Variants in EP300 observed in about 807,000 individuals in gnomAD.
The protein encoded by EP300 is EP300 lysine acetyltransferase, also known as histone acetyltransferase p300.
EP300 carries 31 observed loss-of-function variants against 264.0 expected under a neutral mutation model. The ratio of observed to expected loss-of-function variants is 0.12; its 90% CI spans 0.09 to 0.16. The LOEUF (loss-of-function observed/expected upper bound fraction) is 0.16, where lower values mean the gene tolerates loss of function less well. EP300 is among the 10% of genes least tolerant of loss of function. The probability of loss-of-function intolerance (pLI) is 1.00; values close to 1 mark genes in which losing one functional copy is unlikely to be tolerated. For missense variants in EP300, 2,766 were observed against 3,052.9 expected, an observed-to-expected ratio of 0.91 and a Z score of 2.21; for synonymous variants, 1,340 against 1,045.4, an observed-to-expected ratio of 1.28 and a Z score of -5.44.
chr22:41,127,996 T>G (rs534444047), intron 4 of EP300, among the ~76,000 whole-genome samples: 36 of 152,240 alleles, frequency 2.4e-4, no homozygotes, highest in African/African-American at 8.4e-4. Flanking sequence ...GAGACCAGCC[T>G]GGACAACATA....
rs1207075674 is a variant in EP300, at chr22:41,179,125, AC to A, written c.*171del. 22 of 697,638 alleles carry A rather than the reference AC, an allele frequency of 3.2e-5. No homozygotes were observed. The highest frequency in any genetic ancestry group is 5.2e-5 in the Non-Finnish European group (22 of 422,278). 43.2% of individuals were successfully genotyped at this position (697,638 alleles called of 1,614,324 possible). ...GGTTTAAAGCAAACATGCAAGATGA[AC>A]CTGAGGGATGATAGAATACAAAGAA... is the stretch of plus-strand genomic sequence containing the variant. On this transcript the variant is annotated 3_prime_UTR_variant, in exon 31 of 31. Coordinates refer to ENST00000263253, the MANE Select transcript of EP300 (RefSeq NM_001429.4).
At chr22:41,105,560 G>A (rs1482840240) in intron 1 of EP300, among the ~76,000 whole-genome samples, 4 of 151,558 alleles carry the variant, frequency 2.6e-5, no homozygotes, top group Admixed American at 1.3e-4. Context: ...CACCACAGCC[G>A]GCTAATTTTT....
intron 21 of EP300, 62 bp downstream of exon 21, chr22:41,162,841 T>G: frequency 7.0e-7 from 1 of 1,420,850 alleles, no homozygotes; most frequent in Non-Finnish European, 1.0e-6. Context: ...TTTCATTCTC[T>G]TGAAGTTTGC....
At chr22:41,093,195 G>A in intron 1 of EP300, 97 bp downstream of exon 1, 1 of 1,194,744 alleles carries the variant, frequency 8.4e-7, no homozygotes, top group East Asian at 2.4e-5. Context: ...TCTCTCTCTA[G>A]TTCCCTGCCC....
intron 23 of EP300, among the ~76,000 whole-genome samples, chr22:41,167,257 A>G (rs769771418): frequency 2.3e-4 from 35 of 152,268 alleles, no homozygotes; most frequent in Non-Finnish European, 4.1e-4. Context: ...TTGGCCTCCC[A>G]AAGTACTGGG....
At chr22:41,164,796 G>GGGTC (rs1363215036) in intron 22 of EP300, among the ~76,000 whole-genome samples, 1 of 152,178 alleles carries the variant, frequency 6.6e-6, no homozygotes, top group African/African-American at 2.4e-5. Flanking sequence ...GCCCTGGTAA[G>GGGTC]GGTCACCATT....
At chr22:41,098,496 C>T (rs921080797) in intron 1 of EP300, among the ~76,000 whole-genome samples, 4 of 152,098 alleles carry the variant, frequency 2.6e-5, no homozygotes, top group African/African-American at 9.6e-5. Flanking sequence ...CTCAGCCTCC[C>T]GAGTAGCTGG....
chr22:41,172,558 C>T lies in EP300; in HGVS notation c.4512C>T (p.Phe1504=), dbSNP rs773749974. ...RLTSAKELPY[F]EGDFWPNVLE... ...CAAGTGCAAAGGAATTGCCTTATTT[C>T]GAGGGTGATTTCTGGCCCAATGTTC... The change falls in exon 28 of 31, where the codon TTC becomes TTT. Residue 1504 remains phenylalanine, a synonymous_variant. Transcript: ENST00000263253. 1.5e-5 allele frequency: 25 copies of T among 1,613,784 alleles called. No individual in the cohort carries two copies. The highest frequency in any genetic ancestry group is 8.9e-5 in the East Asian group (4 of 44,876).
At chr22:41,145,014 C>T (rs79243296) in intron 10 of EP300, among the ~76,000 whole-genome samples, 2,363 of 152,216 alleles carry the variant, frequency 0.016, 46 homozygotes, top group African/African-American at 0.049. Flanking sequence ...CACTTCAGTC[C>T]TCACCATTCT....
chr22:41,175,784 G>A (rs1052997931), intron 29 of EP300, among the ~76,000 whole-genome samples: 2 of 152,204 alleles, frequency 1.3e-5, no homozygotes, highest in African/African-American at 4.8e-5. Flanking sequence ...TTACTCTGAA[G>A]GAGTTACTGA....
At position 41,158,686 on chromosome 22, in the gene EP300, C is replaced by T. The variant is rs79458245; in HGVS notation, c.3590+186C>T. 0.023 allele frequency: 13,663 copies of T among 591,136 alleles called. 940 individuals are homozygous for T. The highest frequency in any genetic ancestry group is 0.17 in the East Asian group (5,748 of 33,682). 36.6% of individuals were successfully genotyped at this position (591,136 alleles called of 1,614,324 possible). A position where few individuals can be genotyped will look rare whatever the true frequency, so the allele number is the denominator to read the frequency against. On this transcript the variant is annotated intron_variant, in intron 19 of 30. Coordinates refer to ENST00000263253, the MANE Select transcript of EP300 (RefSeq NM_001429.4). ...ACAATAAAATTTTCTATCAGAGTAG[C>T]CTTGCATCAGTTACCTGGGTTCCTC... is the stretch of plus-strand genomic sequence containing the variant.
At chr22:41,109,693 A>G (rs936959369) in intron 1 of EP300, among the ~76,000 whole-genome samples, 1 of 152,080 alleles carries the variant, frequency 6.6e-6, no homozygotes, top group African/African-American at 2.4e-5. Context: ...CAGAGATGGA[A>G]ACAAGGTTAT....
At chr22:41,096,820 T>C (rs2058705204) in intron 1 of EP300, among the ~76,000 whole-genome samples, 1 of 152,048 alleles carries the variant, frequency 6.6e-6, no homozygotes, top group Admixed American at 6.6e-5. Flanking sequence ...TATTTCACCA[T>C]TTTGGCCAGG....
In EP300 at chr22:41,176,496, G is replaced by T. The variant is rs2059201245; in HGVS notation, c.5029G>T (p.Val1677Leu). The T allele has an allele frequency of 6.2e-7, 1 of 1,614,102 alleles. No homozygotes were observed. Among genetic ancestry groups the T allele is most frequent in the Non-Finnish European group, 8.5e-7 (1 of 1,180,044 alleles). Residue 1677 changes from valine to leucine, a missense_variant, in exon 30 of 31, where the codon GTG becomes TTG. Coordinates refer to ENST00000263253, the MANE Select transcript of EP300 (RefSeq NM_001429.4). The part of the protein sequence containing the change: ...VYTCNECKHH[V>L]ETRWHCTVCE... ...CACCTGCAATGAATGCAAGCACCAT[G>T]TGGAGACACGCTGGCACTGTACTGT...
At chr22:41,167,423 ATTTAGT>A (rs1254547719) in intron 23 of EP300, among the ~76,000 whole-genome samples, 4 of 151,638 alleles carry the variant, frequency 2.6e-5, no homozygotes, top group Non-Finnish European at 5.9e-5. Flanking sequence ...GTAGTATTTG[ATTTAGT>A]TTTGGGGTGT....
intron 22 of EP300, among the ~76,000 whole-genome samples, chr22:41,166,111 T>C (rs1156989908): frequency 4.6e-5 from 7 of 152,230 alleles, no homozygotes; most frequent in Non-Finnish European, 1.0e-4. Context: ...TTATGTCTGC[T>C]GCATTTTTAA....
intron 1 of EP300, among the ~76,000 whole-genome samples, chr22:41,099,454 A>G (rs141237941): frequency 1.2e-4 from 18 of 152,292 alleles, no homozygotes; most frequent in African/African-American, 4.1e-4. Flanking sequence ...CAGTCAGAAC[A>G]CGTTTCTGTC....
chr22:41,180,077 A>T lies in EP300; in HGVS notation c.*1121A>T, dbSNP rs2059235259. The T allele has an allele frequency of 4.4e-6, 1 of 228,236 alleles. No homozygotes were observed. Among genetic ancestry groups the T allele is most frequent in the Admixed American group, 5.7e-5 (1 of 17,616 alleles). The allele number at this position is 228,236 out of a possible 1,614,324, so 14.1% of individuals were successfully genotyped here. On this transcript the variant is annotated 3_prime_UTR_variant, in exon 31 of 31. Coordinates refer to ENST00000263253, the MANE Select transcript of EP300 (RefSeq NM_001429.4). Reference sequence around the variant, plus strand: ...GTTAAATAAACTGTGTGAGACAGACACCCTGACTTTGTTTCACTTGATAAC... The same window carrying T: ...GTTAAATAAACTGTGTGAGACAGACTCCCTGACTTTGTTTCACTTGATAAC...
At chr22:41,169,177 T>TA (rs2059156347) in intron 25 of EP300, 2 of 548,332 alleles carry the variant, frequency 3.6e-6, no homozygotes, top group Non-Finnish European at 3.3e-6. Context: ...TATGTGAAAA[T>TA]ATATCATACA....
Sources: allele counts gnomAD v4.1 joint callset (sites outside exome capture counted in the v4.1 genomes callset), GRCh38; gene constraint gnomAD v4.1.1; transcripts MANE v1.5; gene names NCBI Gene and HGNC (gene_info 2026-07-23, HGNC 2026-07-21).